Variants in CHM observed in about 807,000 individuals in gnomAD.
CHM encodes rab proteins geranylgeranyltransferase component A 1.
Under a neutral mutation model 49.0 loss-of-function variants are expected in CHM, and 10 were observed. The ratio of observed to expected loss-of-function variants is 0.20; its 90% confidence interval spans 0.13 to 0.35. The LOEUF (loss-of-function observed/expected upper bound fraction) is 0.35, where lower values mean the gene tolerates loss of function less well. CHM is among the 10% of genes least tolerant of loss of function. CHM has a pLI of 1.00. For missense variants in CHM, 455 were observed against 478.4 expected (o/e 0.95, Z 0.46); for synonymous variants, 184 against 167.5 (o/e 1.10, Z -0.76).
At chrX:85,875,091 T>A (rs61035860) in intron 13 of CHM, among the ~76,000 whole-genome samples, 17 of 111,537 alleles carry the variant, frequency 1.5e-4, no homozygotes, top group Non-Finnish European at 3.0e-4. Context: ...ACTAATTTCA[T>A]AGACGTTGCG....
intron 4 of CHM, chrX:85,970,570 T>C: frequency 3.0e-6 from 1 of 334,659 alleles, no homozygotes; most frequent in Non-Finnish European, 3.9e-6. Context: ...ATCTCTAGCA[T>C]TCCTTGAGCT....
At chrX:85,967,079 T>C (rs966676058) in intron 4 of CHM, among the ~76,000 whole-genome samples, 4 of 111,776 alleles carry the variant, frequency 3.6e-5, no homozygotes, top group Admixed American at 1.9e-4. Context: ...AACACAACAC[T>C]GTCCTCACTT....
chrX:86,020,041 T>C (rs1348024047), intron 2 of CHM, among the ~76,000 whole-genome samples: 3 of 111,669 alleles, frequency 2.7e-5, no homozygotes, highest in South Asian at 3.7e-4. Flanking sequence ...TACCTCAGCA[T>C]ACAAGGTCCT....
chrX:85,928,057 A>G (rs1928194315), intron 8 of CHM, among the ~76,000 whole-genome samples: 1 of 112,134 alleles, frequency 8.9e-6, no homozygotes, highest in Admixed American at 9.5e-5. Flanking sequence ...ACAGAAAGTA[A>G]CTGCATCCAA....
At chrX:85,897,297 TTGTGTGTGCGTGTGTGTGTGTGTG>T (rs1311837075) in intron 11 of CHM, among the ~76,000 whole-genome samples, 25 of 92,654 alleles carry the variant, frequency 2.7e-4, no homozygotes, top group Middle Eastern at 0.011. Context: ...TAGAAAATGC[TTGTGTGTGCGTGTGTGTGTGTGTG>T]TGTGTGTGTG....
At chrX:85,897,164 TAATA>T (rs1925928117) in intron 11 of CHM, among the ~76,000 whole-genome samples, 1 of 92,727 alleles carries the variant, frequency 1.1e-5, no homozygotes. Context: ...CATATATATC[TAATA>T]TATATATTAT....
At chrX:85,940,163 T>G (rs1416968580) in intron 8 of CHM, among the ~76,000 whole-genome samples, 3 of 111,125 alleles carry the variant, frequency 2.7e-5, no homozygotes, top group African/African-American at 9.8e-5. Context: ...TACACACTTT[T>G]AAACACTGTT....
chrX:86,011,177 T>C (rs960705076), intron 2 of CHM, among the ~76,000 whole-genome samples: 7 of 111,644 alleles, frequency 6.3e-5, no homozygotes, highest in Non-Finnish European at 1.3e-4. Context: ...TTTAAGAGTC[T>C]AATAGGGCCA....
chrX:85,867,618 C>T (rs1220400984), intron 14 of CHM, among the ~76,000 whole-genome samples: 1 of 112,114 alleles, frequency 8.9e-6, no homozygotes, highest in Non-Finnish European at 1.9e-5. Flanking sequence ...TGTTTAAGCT[C>T]ATGGGTTTTG....
intron 2 of CHM, among the ~76,000 whole-genome samples, chrX:86,017,990 C>G (rs746985129): frequency 8.9e-6 from 1 of 111,781 alleles, no homozygotes; most frequent in African/African-American, 3.3e-5. Context: ...AAAGCTCTAA[C>G]AATTAGAGAA....
intron 8 of CHM, among the ~76,000 whole-genome samples, chrX:85,913,992 C>A (rs1384690193): frequency 2.7e-5 from 3 of 111,508 alleles, no homozygotes; most frequent in Non-Finnish European, 5.6e-5. Context: ...GGTTGCCAAA[C>A]ACCAAAACTT....
chrX:85,960,988 T>C (rs1930265767), intron 5 of CHM, among the ~76,000 whole-genome samples: 1 of 111,543 alleles, frequency 9.0e-6, no homozygotes, highest in South Asian at 3.7e-4. Context: ...GAGCTATTAC[T>C]TTTTAAAAGG....
At chrX:85,967,909 C>T (rs1930665833) in intron 4 of CHM, among the ~76,000 whole-genome samples, 1 of 111,117 alleles carries the variant, frequency 9.0e-6, no homozygotes, top group African/African-American at 3.3e-5. Context: ...GTAAATGTGT[C>T]TTATGAATAC....
rs190815242 is a variant in CHM at position 85,992,159 on chromosome X, G to A, written c.117-10350C>T. ...TGGAATCTGACATACTATAAGTAAA[G>A]ACAGTGGCATCTATTCACAAACAGC... On this transcript the variant is annotated intron_variant, in intron 2 of 14. Transcript: ENST00000357749. Among the ~76,000 whole-genome samples, 688 of 111,687 alleles carry A rather than the reference G, an allele frequency of 6.2e-3. 3 individuals are homozygous for A. The highest frequency in any genetic ancestry group is 0.011 in the Non-Finnish European group (579 of 53,029).
chrX:86,027,574 C>A lies in CHM; in HGVS notation c.50-17G>T, dbSNP rs201396396. ...CAGGCAAACCTACAAAAACACACAC[C>A]CGTATCATTTAGAATGTAGAAATAT... is the stretch of plus-strand genomic sequence containing the variant. On this transcript the variant is annotated splice_polypyrimidine_tract_variant and intron_variant, in intron 1 of 14. Transcript: ENST00000357749. 7.7e-6 allele frequency: 9 copies of A among 1,174,956 alleles called. No individual in the cohort carries two copies. The Admixed American group carries it at 2.0e-4, about 26-fold the overall frequency.
At chrX:85,985,009 C>T (rs900729499) in intron 2 of CHM, among the ~76,000 whole-genome samples, 18 of 111,690 alleles carry the variant, frequency 1.6e-4, no homozygotes, top group African/African-American at 5.9e-4. Context: ...GACCCCCATA[C>T]ATACCCCTAG....
chrX:85,979,900 C>T (rs1931500622), intron 3 of CHM, among the ~76,000 whole-genome samples: 2 of 110,842 alleles, frequency 1.8e-5, no homozygotes, highest in Middle Eastern at 4.7e-3. Flanking sequence ...TTAGATAGTA[C>T]TAAACATCCA....
intron 2 of CHM, among the ~76,000 whole-genome samples, chrX:86,003,083 T>C (rs1036982181): frequency 8.0e-5 from 9 of 111,964 alleles, no homozygotes; most frequent in African/African-American, 2.9e-4. Flanking sequence ...ATAATTGCTG[T>C]TGTGCAGCCT....
At position 85,900,690 on chromosome X, in the gene CHM, G is replaced by A; in HGVS notation, c.1369C>T (p.Leu457=). Residue 457 remains leucine (L), a synonymous_variant, in exon 11 of 15, where the codon CTG becomes TTG. Transcript: ENST00000357749. ...TTTAGGACAGATCTATCTGTAATCA[G>A]CACTGCCCTGGAGATCTGCCTGTAA... ...VQYRQISRAV[L]ITDRSVLKTD... 1 of 1,187,833 alleles carries A rather than the reference G, an allele frequency of 8.4e-7. No individual in the cohort carries two copies.
Sources: allele counts gnomAD v4.1 joint callset (sites outside exome capture counted in the v4.1 genomes callset), GRCh38; gene constraint gnomAD v4.1.1; transcripts MANE v1.5; gene names NCBI Gene and HGNC (gene_info 2026-07-23, HGNC 2026-07-21).